GRK7: variants seen among roughly 807,000 people sequenced by gnomAD.
The protein encoded by GRK7 is rhodopsin kinase GRK7.
GRK7 carries 24 observed loss-of-function variants against 34.1 expected under a neutral mutation model. That is an observed-to-expected ratio of 0.70 (90% CI 0.51 to 0.99). GRK7 has a LOEUF of 0.99. Ranked by LOEUF, GRK7 falls within the 50% of genes least tolerant of loss-of-function variation. GRK7 has a pLI of 0.00. For missense variants in GRK7, 644 were observed against 707.3 expected, an observed-to-expected ratio of 0.91 and a Z score of 1.02; for synonymous variants, 256 against 279.4, an observed-to-expected ratio of 0.92 and a Z score of 0.84.
At chr3:141,762,873 G>C (rs537003859), upstream of GRK7, among the ~76,000 whole-genome samples, 1 of 152,308 alleles carries the variant, frequency 6.6e-6, no homozygotes, top group Admixed American at 6.5e-5. Flanking sequence ...ATATTCGGGT[G>C]GGAGTGACCC....
intron 2 of GRK7, among the ~76,000 whole-genome samples, chr3:141,777,378 G>A (rs577942846): frequency 2.6e-5 from 3 of 117,088 alleles, no homozygotes; most frequent in Non-Finnish European, 5.0e-5. Flanking sequence ...AGACGGGAGT[G>A]CAGTGGCGCA....
chr3:141,797,206 C>T (rs1046796320), intron 4 of GRK7, among the ~76,000 whole-genome samples: 3 of 152,214 alleles, frequency 2.0e-5, no homozygotes, highest in Non-Finnish European at 4.4e-5. Context: ...TCAGGGAGAG[C>T]AGGAAGCCGC....
intron 5 of GRK7, among the ~76,000 whole-genome samples, chr3:141,809,424 C>A (rs866488400): frequency 1.3e-5 from 2 of 152,054 alleles, no homozygotes; most frequent in East Asian, 3.9e-4. Flanking sequence ...GAAGGCCGGG[C>A]GCAGTGGTCA....
intron 4 of GRK7, among the ~76,000 whole-genome samples, chr3:141,806,670 G>A (rs933067187): frequency 3.4e-4 from 51 of 151,946 alleles, no homozygotes; most frequent in African/African-American, 1.2e-3. Flanking sequence ...CCACTTATAT[G>A]AGGTACCTAG....
chr3:141,767,859 C>T (rs1188196421), intron 1 of GRK7, among the ~76,000 whole-genome samples: 1 of 152,106 alleles, frequency 6.6e-6, no homozygotes, highest in Non-Finnish European at 1.5e-5. Context: ...GACTATGAGA[C>T]CCTAAGTTCC....
Position 141,818,594 on chromosome 3 carries a change from A to G in GRK7, c.*1544A>G, listed in dbSNP as rs540224037. Reference sequence around the variant, plus strand: ...GCCAACACTGTATGGTAGAATTAGCACTTCTCAAAAGCACAGCCAAGGTGA... The same window carrying G: ...GCCAACACTGTATGGTAGAATTAGCGCTTCTCAAAAGCACAGCCAAGGTGA... On this transcript the variant is annotated 3_prime_UTR_variant, in exon 6 of 6. Coordinates refer to ENST00000682958, the MANE Select transcript of GRK7 (RefSeq NM_139209.3). 6.6e-6 allele frequency: 1 copy of G among 152,396 alleles called. No homozygotes were observed. The highest frequency in any genetic ancestry group is 2.1e-4 in the South Asian group (1 of 4,832). The allele number at this position is 152,396 out of a possible 1,614,324, so 9.4% of individuals were successfully genotyped here.
intron 3 of GRK7, among the ~76,000 whole-genome samples, chr3:141,779,799 T>G (rs1029045262): frequency 6.6e-6 from 1 of 152,246 alleles, no homozygotes; most frequent in African/African-American, 2.4e-5. Context: ...CTTCTTTCAC[T>G]CATTAGAATG....
intron 5 of GRK7, among the ~76,000 whole-genome samples, chr3:141,813,121 C>CGTTT (rs544475048): frequency 7.2e-5 from 11 of 151,832 alleles, no homozygotes; most frequent in African/African-American, 1.7e-4. Flanking sequence ...TCTGTTTGTT[C>CGTTT]GTTTGTTTGT....
chr3:141,789,836 C>A (rs1418015941), intron 4 of GRK7, among the ~76,000 whole-genome samples: 1 of 152,004 alleles, frequency 6.6e-6, no homozygotes, highest in Non-Finnish European at 1.5e-5. Flanking sequence ...CAAAAAGATT[C>A]TGAGTTAGGT....
intron 2 of GRK7, among the ~76,000 whole-genome samples, chr3:141,775,299 C>T (rs1443770686): frequency 6.6e-6 from 1 of 151,958 alleles, no homozygotes; most frequent in Non-Finnish European, 1.5e-5. Flanking sequence ...ACTTGGGAGA[C>T]TCGCTTGAGC....
intron 4 of GRK7, among the ~76,000 whole-genome samples, chr3:141,790,560 T>C (rs1210895244): frequency 8.1e-6 from 1 of 124,136 alleles, no homozygotes; most frequent in Non-Finnish European, 1.6e-5. Context: ...ACTGTCTACA[T>C]GCACTTTTTT....
At chr3:141,777,999 C>A in intron 2 of GRK7, 173 bp from the exon 3 acceptor site, 1 of 451,120 alleles carries the variant, frequency 2.2e-6, no homozygotes, top group African/African-American at 2.0e-5. Context: ...GAGAAAGACC[C>A]TAAGATGAAG....
chr3:141,796,554 G>C (rs1375799797), intron 4 of GRK7, among the ~76,000 whole-genome samples: 1 of 152,246 alleles, frequency 6.6e-6, no homozygotes, highest in Non-Finnish European at 1.5e-5. Flanking sequence ...CAGGGAGCCA[G>C]CGGGACCCCA....
intron 4 of GRK7, among the ~76,000 whole-genome samples, chr3:141,783,550 C>T (rs780073662): frequency 2.0e-5 from 3 of 152,120 alleles, no homozygotes; most frequent in African/African-American, 4.8e-5. Context: ...AAAGAGGTAA[C>T]GTCGCCTGTG....
chr3:141,775,271 G>T (rs954296421), intron 2 of GRK7, among the ~76,000 whole-genome samples: 3 of 152,188 alleles, frequency 2.0e-5, no homozygotes, highest in African/African-American at 7.2e-5. Context: ...CTGGTGGCAG[G>T]TGCCTGTAGT....
chr3:141,778,330 TA>T lies in GRK7; in HGVS notation c.47del (p.Tyr16SerfsTer39). 1 of 1,602,104 alleles carries T rather than the reference TA, an allele frequency of 6.2e-7. No homozygotes were observed. Among genetic ancestry groups the T allele is most frequent in the Non-Finnish European group, 8.5e-7 (1 of 1,172,346 alleles). On this transcript the variant is annotated frameshift_variant, in exon 3 of 6. Transcript: ENST00000682958. LOFTEE classifies it high-confidence loss of function. The surrounding 1 kb of genome is among the most constrained non-coding windows in gnomAD (Gnocchi z 4.1). ...GGACAACCTGATCGCCAACACCGCCTACCTGCAGGCCCGGAAGCCCTCGGAC... is the reference window on the plus strand; with the variant it reads ...GGACAACCTGATCGCCAACACCGCCTCCTGCAGGCCCGGAAGCCCTCGGAC... Reference protein sequence around the residue: ...ALDNLIANTAYLQARKPSDCD... With the variant: ...ALDNLIANTAXLQARKPSDCD...
In GRK7 at chr3:141,778,947, G is replaced by A; in HGVS notation, c.612+51G>A. On this transcript the variant is annotated intron_variant, in intron 3 of 5. Coordinates refer to ENST00000682958, the MANE Select transcript of GRK7 (RefSeq NM_139209.3). This position sits in a 1 kb window ranked among gnomAD's most constrained non-coding sequence, Gnocchi z 4.1. ...AGAAGGTGAAGCATAGAGCATGAAAGGGGGTAATGTTGCCTTTCTTTTTTT... is the reference window on the plus strand; with the variant it reads ...AGAAGGTGAAGCATAGAGCATGAAAAGGGGTAATGTTGCCTTTCTTTTTTT... 6.6e-7 allele frequency: 1 copy of A among 1,514,894 alleles called. No individual in the cohort carries two copies. The allele number at this position is 1,514,894 out of a possible 1,614,324, so 93.8% of individuals were successfully genotyped here.
rs1011622395 is a variant in GRK7, at chr3:141,765,246, C to T, written c.-707C>T. 6.6e-6 allele frequency among the ~76,000 whole-genome samples: 1 copy of T among 152,218 alleles called. No individual in the cohort carries two copies. Among genetic ancestry groups the T allele is most frequent in the Non-Finnish European group, 1.5e-5 (1 of 68,040 alleles). On this transcript the variant is annotated 5_prime_UTR_variant, in exon 1 of 6. Transcript: ENST00000682958. ...TCACCAGGATTTGAGCCAGCTGTTC[C>T]TTCTCCCTGAAGTGCTCTACCCTCA...
At chr3:141,804,086 G>A (rs1393323098) in intron 4 of GRK7, among the ~76,000 whole-genome samples, 1 of 152,096 alleles carries the variant, frequency 6.6e-6, no homozygotes, top group Non-Finnish European at 1.5e-5. Context: ...TTTATCAAAT[G>A]TCCATCTATC....
Sources: allele counts gnomAD v4.1 joint callset (sites outside exome capture counted in the v4.1 genomes callset), GRCh38; gene constraint gnomAD v4.1.1; non-coding constraint Gnocchi (gnomAD v3.1); transcripts MANE v1.5; gene names NCBI Gene and HGNC (gene_info 2026-07-23, HGNC 2026-07-21).